TAFA5: variants seen among roughly 807,000 people sequenced by gnomAD.
The protein encoded by TAFA5 is chemokine-like protein TAFA-5.
In TAFA5, 6 loss-of-function variants were observed where a neutral mutation model predicts 15.3. The ratio of observed to expected loss-of-function variants is 0.39; its 90% CI spans 0.21 to 0.77. The LOEUF is 0.77. TAFA5 is among the 30% of genes least tolerant of loss of function. The pLI is 0.41. For missense variants in TAFA5, 161 were observed against 193.1 expected (o/e 0.83, Z 0.98); for synonymous variants, 103 against 80.7 (o/e 1.28, Z -1.48).
chr22:48,639,903 C>G (rs528910140), intron 1 of TAFA5, among the ~76,000 whole-genome samples: 1 of 152,148 alleles, frequency 6.6e-6, no homozygotes, highest in Non-Finnish European at 1.5e-5. Flanking sequence ...CTCCATTGCT[C>G]TCCCCCTCAT....
intron 1 of TAFA5, among the ~76,000 whole-genome samples, chr22:48,594,792 A>G (rs1383176031): frequency 6.6e-6 from 1 of 152,210 alleles, no homozygotes; most frequent in Admixed American, 6.5e-5. Flanking sequence ...GGATGGGCGT[A>G]AGGACGGGCG....
At chr22:48,729,335 G>A (rs12627928) in intron 3 of TAFA5, among the ~76,000 whole-genome samples, 1,871 of 47,262 alleles carry the variant, frequency 0.04, 25 homozygotes, top group African/African-American at 0.045. Context: ...ATATTTATTT[G>A]TAAATATATA....
chr22:48,609,424 C>T (rs564453952), intron 1 of TAFA5, among the ~76,000 whole-genome samples: 189 of 151,958 alleles, frequency 1.2e-3, no homozygotes, highest in South Asian at 3.1e-3. Context: ...ACTGGCCATG[C>T]GTTGTCTGTG....
chr22:48,665,442 T>C (rs1357782517), intron 2 of TAFA5, among the ~76,000 whole-genome samples: 4 of 152,166 alleles, frequency 2.6e-5, no homozygotes, highest in Non-Finnish European at 5.9e-5. Context: ...TTGCATTCTG[T>C]GTGGGAAACG....
intron 3 of TAFA5, among the ~76,000 whole-genome samples, chr22:48,740,319 C>T (rs945896518): frequency 1.3e-5 from 2 of 152,224 alleles, no homozygotes; most frequent in East Asian, 1.9e-4. Context: ...ACGAGCTGGT[C>T]GCAGAGCCAG....
chr22:48,736,474 G>A lies in TAFA5; in HGVS notation c.391-13365G>A, dbSNP rs1453036293. ...CATCCCCCCAGGAGGAATGAGAACC[G>A]CACTCCTAGGGTCCATCCCCCCAGG... On this transcript the variant is annotated intron_variant, in intron 3 of 3. Coordinates refer to ENST00000402357, the MANE Select transcript of TAFA5 (RefSeq NM_001082967.3). Among the ~76,000 whole-genome samples the A allele has an allele frequency of 9.9e-5, 5 of 50,416 alleles. 2 individuals carry two copies. Among genetic ancestry groups the A allele is most frequent in the African/African-American group, 2.9e-4 (3 of 10,332 alleles). 33.1% of individuals were successfully genotyped at this position (50,416 alleles called of 152,430 possible). A position where few individuals can be genotyped will look rare whatever the true frequency, so the allele number is the denominator to read the frequency against.
intron 2 of TAFA5, among the ~76,000 whole-genome samples, chr22:48,700,873 C>T (rs1332452971): frequency 2.0e-5 from 3 of 152,198 alleles, no homozygotes; most frequent in Non-Finnish European, 2.9e-5. Flanking sequence ...TCCGATCCCA[C>T]GTAACAGACA....
rs1222128574 is a variant in TAFA5 at position 48,667,817 on chromosome 22, T to G, written c.262+21071T>G. Among the ~76,000 whole-genome samples the G allele has an allele frequency of 0.033, 111 of 3,356 alleles. No homozygotes were observed. The East Asian group carries it at 0.39, about 12-fold the overall frequency. The allele number at this position is 3,356 out of a possible 152,430, so 2.2% of individuals were successfully genotyped here. Reference sequence around the variant, plus strand: ...CAGGACCGCGTCTTCACCGGGAGCGTTAATCCCCCAGCACTCAGGGCCGCG... The same window carrying G: ...CAGGACCGCGTCTTCACCGGGAGCGGTAATCCCCCAGCACTCAGGGCCGCG... On this transcript the variant is annotated intron_variant, in intron 2 of 3. Transcript: ENST00000402357.
chr22:48,620,910 C>T (rs370166153), intron 1 of TAFA5, among the ~76,000 whole-genome samples: 346 of 83,530 alleles, frequency 4.1e-3, no homozygotes, highest in South Asian at 8.4e-3. Context: ...TATCCACCCA[C>T]CCACCTATCC....
At chr22:48,651,916 T>C (rs1196648520) in intron 2 of TAFA5, among the ~76,000 whole-genome samples, 1 of 152,062 alleles carries the variant, frequency 6.6e-6, no homozygotes, top group Non-Finnish European at 1.5e-5. Context: ...GGCAGGGCCA[T>C]TGGACCCTGG....
chr22:48,531,109 CGTGGCTGGGCCTGTTTCAGATCCAGGAA>C (rs11275558), intron 1 of TAFA5, among the ~76,000 whole-genome samples: 12,898 of 152,222 alleles, frequency 0.085, 713 homozygotes, highest in East Asian at 0.25. Context: ...TGCCTGCCGA[CGTGGCTGGGCCTGTTTCAGATCCAGGAA>C]GTGTGGGTCT....
At chr22:48,675,278 A>G (rs756346010) in intron 2 of TAFA5, among the ~76,000 whole-genome samples, 11 of 152,226 alleles carry the variant, frequency 7.2e-5, no homozygotes, top group Non-Finnish European at 1.3e-4. Flanking sequence ...AAAGATCAAC[A>G]TGGGTATTGC....
rs531287061 is a variant in TAFA5 at position 48,600,484 on chromosome 22, G to A, written c.113-46113G>A. Among the ~76,000 whole-genome samples the A allele has an allele frequency of 1.1e-4, 16 of 152,326 alleles. No homozygotes were observed. In the South Asian group the frequency reaches 1.9e-3, roughly 18 times the overall value. On this transcript the variant is annotated intron_variant, in intron 1 of 3. Coordinates refer to ENST00000402357, the MANE Select transcript of TAFA5 (RefSeq NM_001082967.3). Reference sequence around the variant, plus strand: ...GTTCGGCCTTTCCACTCTGTGTTCCGAACTGTGCAGTGTGTATGTGTAGGC... The same window carrying A: ...GTTCGGCCTTTCCACTCTGTGTTCCAAACTGTGCAGTGTGTATGTGTAGGC...
At chr22:48,578,418 GAAGA>G (rs1261619114) in intron 1 of TAFA5, among the ~76,000 whole-genome samples, 1 of 152,230 alleles carries the variant, frequency 6.6e-6, no homozygotes, top group African/African-American at 2.4e-5. Flanking sequence ...TTTTGGCCAA[GAAGA>G]AAGAGTTTCT....
chr22:48,496,798 G>A (rs192001008), intron 1 of TAFA5, among the ~76,000 whole-genome samples: 143 of 152,310 alleles, frequency 9.4e-4, no homozygotes, highest in African/African-American at 3.3e-3. Context: ...GGCGTAGGCT[G>A]TGCCACCTAA....
rs1312547661 is a variant in TAFA5, at chr22:48,583,109, C to T, written c.113-63488C>T. 4.4e-4 allele frequency among the ~76,000 whole-genome samples: 66 copies of T among 148,778 alleles called. No individual in the cohort carries two copies. The South Asian group carries it at 5.0e-3, about 11-fold the overall frequency. On this transcript the variant is annotated intron_variant, in intron 1 of 3. Transcript: ENST00000402357. ...CACCCCACACACAAAATACACCACA[C>T]GCCACACACACATCACACGCCACAC...
chr22:48,711,918 C>G (rs1929266953), intron 3 of TAFA5, among the ~76,000 whole-genome samples: 1 of 152,262 alleles, frequency 6.6e-6, no homozygotes, highest in Admixed American at 6.5e-5. Flanking sequence ...TGTGGGTCGC[C>G]TAGCACGGGC....
In TAFA5 at chr22:48,566,943, G is replaced by T. The variant is rs1046047652; in HGVS notation, c.112+77239G>T. On this transcript the variant is annotated intron_variant, in intron 1 of 3. Coordinates refer to ENST00000402357, the MANE Select transcript of TAFA5 (RefSeq NM_001082967.3). This position sits in a 1 kb window ranked among gnomAD's most constrained non-coding sequence, Gnocchi z 4.5. The stretch of plus-strand genomic sequence containing the variant: ...GGGTTTGTCCTTTCTCCTTTGCTCC[G>T]CAGCACTGCTGCCTGCGGACTGGCC... Among the ~76,000 whole-genome samples the T allele has an allele frequency of 6.6e-6, 1 of 152,186 alleles. No individual in the cohort carries two copies. The highest frequency in any genetic ancestry group is 2.4e-5 in the African/African-American group (1 of 41,452).
At chr22:48,558,134 C>T (rs186361518) in intron 1 of TAFA5, among the ~76,000 whole-genome samples, 2 of 152,174 alleles carry the variant, frequency 1.3e-5, no homozygotes, top group Admixed American at 6.5e-5. Flanking sequence ...GAGAGCAAGC[C>T]GGGCCTGTGC....
Sources: gnomAD v4.1 joint callset for allele counts (sites outside exome capture counted in the v4.1 genomes callset) on GRCh38, gnomAD v4.1.1 for gene constraint, Gnocchi (gnomAD v3.1) non-coding constraint, MANE v1.5 for transcripts, NCBI Gene and HGNC (gene_info 2026-07-23, HGNC 2026-07-21) for gene names.